RADIL: variants seen among roughly 807,000 people sequenced by gnomAD.
RADIL encodes the protein Rap associating with DIL domain, also known as ras-associating and dilute domain-containing protein.
Under a neutral mutation model 97.6 loss-of-function variants are expected in RADIL, and 99 were observed. The observed-to-expected ratio is 1.01, with a 90% CI of 0.86 to 1.20. The LOEUF is 1.20. Among genes scored for constraint, RADIL ranks in the 50% most tolerant of loss-of-function variants. The probability of loss-of-function intolerance (pLI) is 0.00; values close to 1 mark genes in which losing one functional copy is unlikely to be tolerated. For synonymous variants in RADIL, 803 were observed against 691.8 expected (o/e 1.16, Z -2.52); for missense variants, 1,765 against 1,498.9 (o/e 1.18, Z -2.93).
At chr7:4,808,332 G>T (rs1782413100) in intron 9 of RADIL, among the ~76,000 whole-genome samples, 1 of 151,434 alleles carries the variant, frequency 6.6e-6, no homozygotes, top group Admixed American at 6.6e-5. Flanking sequence ...GACCGCTCTT[G>T]TTCTCTCATG....
At chr7:4,869,200 A>G (rs993611125) in intron 2 of RADIL, among the ~76,000 whole-genome samples, 4 of 152,194 alleles carry the variant, frequency 2.6e-5, no homozygotes, top group South Asian at 2.1e-4. Context: ...TGGCATGATC[A>G]CAGCTCACTG....
intron 2 of RADIL, chr7:4,861,701 C>A: frequency 6.3e-7 from 1 of 1,575,610 alleles, no homozygotes; most frequent in South Asian, 1.2e-5. Context: ...GGTGAGGAGG[C>A]AGTCCGTCTC....
intron 2 of RADIL, chr7:4,861,772 C>T: frequency 6.7e-7 from 1 of 1,488,722 alleles, no homozygotes; most frequent in Non-Finnish European, 8.9e-7. Flanking sequence ...GCGGCGCCGG[C>T]TGCGGTGGTC....
At position 4,877,971 on chromosome 7, in the gene RADIL, T is replaced by C; in HGVS notation, c.169A>G (p.Thr57Ala). The C allele has an allele frequency of 6.2e-7, 1 of 1,611,630 alleles. No homozygotes were observed. The highest frequency in any genetic ancestry group is 8.5e-7 in the Non-Finnish European group (1 of 1,179,912). ...AGGACACCAGGGGCCGACAGCTGGG[T>C]GGAGAGCTCGGCGGGGTCATCGCTG... ...GASDDPAELS[T>A]QLSAPGVLKV... Residue 57 changes from threonine (T) to alanine (A), a missense_variant, in exon 2 of 15, where the codon ACC (threonine) becomes GCC (alanine). By Grantham distance (58) the Thr-to-Ala change is moderately conservative. Coordinates refer to ENST00000399583, the MANE Select transcript of RADIL (RefSeq NM_018059.5).
chr7:4,843,002 A>G (rs1159102166), intron 2 of RADIL, among the ~76,000 whole-genome samples: 1 of 145,654 alleles, frequency 6.9e-6, no homozygotes, highest in Non-Finnish European at 1.5e-5. Flanking sequence ...GGCAAGAGAC[A>G]ATTTTTTTTT....
chr7:4,862,667 G>A (rs1268538505), intron 2 of RADIL, among the ~76,000 whole-genome samples: 2 of 152,130 alleles, frequency 1.3e-5, no homozygotes, highest in South Asian at 2.1e-4. Context: ...ATGGGAGGCC[G>A]AGGCGGGCAG....
Position 4,877,918 on chromosome 7 carries a change from T to C in RADIL, c.222A>G (p.Thr74=), listed in dbSNP as rs1284674247. 1 of 1,607,074 alleles carries C rather than the reference T, an allele frequency of 6.2e-7. No homozygotes were observed. Among genetic ancestry groups the C allele is most frequent in the South Asian group, 1.1e-5 (1 of 91,082 alleles). The change falls in exon 2 of 15, where the codon ACA becomes ACG. Residue 74 remains threonine (T), a synonymous_variant. Transcript: ENST00000399583. ...CCAGGACGCTCTTGTAGTGGGTTCC[T>C]GTGCAGACACTGTCCCCAAACACCT... The part of the protein sequence containing the change: ...VLKVFGDSVC[T]GTHYKSVLAT...
chr7:4,855,481 C>T (rs1204412117), intron 2 of RADIL, among the ~76,000 whole-genome samples: 1 of 151,992 alleles, frequency 6.6e-6, no homozygotes, highest in Non-Finnish European at 1.5e-5. Flanking sequence ...GTGGGCCCGT[C>T]AACTGTGCTA....
intron 5 of RADIL, among the ~76,000 whole-genome samples, chr7:4,823,331 C>CTTTTT (rs60439750): frequency 7.7e-6 from 1 of 129,588 alleles, no homozygotes; most frequent in African/African-American, 3.0e-5. Flanking sequence ...TATTAAAAAC[C>CTTTTT]TTTTTTTTTT....
At chr7:4,843,360 C>G (rs1783494437) in intron 2 of RADIL, among the ~76,000 whole-genome samples, 1 of 152,050 alleles carries the variant, frequency 6.6e-6, no homozygotes, top group Non-Finnish European at 1.5e-5. Flanking sequence ...GGACGCGCTG[C>G]TCAATAAACT....
In RADIL at chr7:4,801,885, G is replaced by T. The variant is rs749494229; in HGVS notation, c.2610C>A (p.Pro870=). 6.3e-7 allele frequency: 1 copy of T among 1,589,514 alleles called. No individual in the cohort carries two copies. Among genetic ancestry groups the T allele is most frequent in the Non-Finnish European group, 8.6e-7 (1 of 1,168,482 alleles). ...CCTGTGCCCAGGGAGCCCCCCTCAA[G>T]GGAAGAGTACGCTCCGGGGCCACTT... The part of the protein sequence containing the change: ...AREVAPERTL[P]LRGAPWAQAP... Residue 870 remains proline, a synonymous_variant, in exon 12 of 15, where the codon CCC becomes CCA. Coordinates refer to ENST00000399583, the MANE Select transcript of RADIL (RefSeq NM_018059.5).
rs1032363313 is a variant in RADIL at position 4,854,131 on chromosome 7, C to A, written c.536-17526G>T. Among the ~76,000 whole-genome samples, 11 of 152,184 alleles carry A rather than the reference C, an allele frequency of 7.2e-5. No homozygotes were observed. Among genetic ancestry groups the A allele is most frequent in the African/African-American group, 7.2e-5 (3 of 41,444 alleles). On this transcript the variant is annotated intron_variant, in intron 2 of 14. Transcript: ENST00000399583. This position sits in a 1 kb window ranked among gnomAD's most constrained non-coding sequence, Gnocchi z 5.1. ...TGATGGCAGGGGCCCCATTAACCAT[C>A]CTGCACCTTGAGGTAACCCTGAAGA...
intron 2 of RADIL, among the ~76,000 whole-genome samples, chr7:4,865,194 T>G (rs905720867): frequency 6.6e-6 from 1 of 152,226 alleles, no homozygotes; most frequent in African/African-American, 2.4e-5. Context: ...AGAGTGAATT[T>G]CCCTCACCCC....
In RADIL at chr7:4,836,412, G is replaced by A. The variant is rs1419280248; in HGVS notation, c.729C>T (p.Tyr243=). ...PEEPGPDAMR[Y]SLYQSPHLLL... is the part of the protein sequence containing the mutation. ...GCAGATGCGGGGACTGGTACAGCGA[G>A]TACCGCATGGCGTCGGGGCCGGGCT... Residue 243 remains tyrosine (Y), a synonymous_variant, in exon 3 of 15, where the codon TAC becomes TAT. Coordinates refer to ENST00000399583, the MANE Select transcript of RADIL (RefSeq NM_018059.5). The A allele has an allele frequency of 6.3e-7, 1 of 1,582,596 alleles. No homozygotes were observed. Among genetic ancestry groups the A allele is most frequent in the Admixed American group, 1.8e-5 (1 of 54,606 alleles).
At chr7:4,810,558 G>A (rs1340860690) in intron 9 of RADIL, among the ~76,000 whole-genome samples, 3 of 152,204 alleles carry the variant, frequency 2.0e-5, no homozygotes, top group African/African-American at 7.2e-5. Flanking sequence ...TTGATAAATA[G>A]AATATGGGTT....
Position 4,799,778 on chromosome 7 carries a change from A to C in RADIL, c.2983-9T>G. 1 of 1,516,380 alleles carries C rather than the reference A, an allele frequency of 6.6e-7. No individual in the cohort carries two copies. Among genetic ancestry groups the C allele is most frequent in the Non-Finnish European group, 8.8e-7 (1 of 1,136,850 alleles). 93.9% of individuals were successfully genotyped at this position (1,516,380 alleles called of 1,614,324 possible). On this transcript the variant is annotated splice_polypyrimidine_tract_variant and intron_variant, in intron 13 of 14. Coordinates refer to ENST00000399583, the MANE Select transcript of RADIL (RefSeq NM_018059.5). ...GCGCCCAGGTGCGTGTGCTGGGGAC[A>C]AGCAGAGGCCTCAGAGCTCCGCAGG... is the stretch of plus-strand genomic sequence containing the variant.
In RADIL at chr7:4,883,194, C is replaced by G. The variant is rs949067743; in HGVS notation, c.-65+402G>C. Among the ~76,000 whole-genome samples the G allele has an allele frequency of 2.6e-5, 4 of 152,148 alleles. No individual in the cohort carries two copies. Among genetic ancestry groups the G allele is most frequent in the African/African-American group, 7.2e-5 (3 of 41,440 alleles). On this transcript the variant is annotated intron_variant, in intron 1 of 14. Transcript: ENST00000399583. This position sits in a 1 kb window ranked among gnomAD's most constrained non-coding sequence, Gnocchi z 7.1. ...CCGCTCCCCCGCTGCGCCCCGCTCCCCCGCTGCGCGCCCCGGACGAAGCTC... is the reference window on the plus strand; with the variant it reads ...CCGCTCCCCCGCTGCGCCCCGCTCCGCCGCTGCGCGCCCCGGACGAAGCTC...
intron 2 of RADIL, among the ~76,000 whole-genome samples, chr7:4,851,732 G>C (rs112458622): frequency 2.0e-5 from 3 of 152,208 alleles, no homozygotes; most frequent in African/African-American, 7.2e-5. Context: ...ACAGGAGAGA[G>C]AGAAATTAAA....
Position 4,817,087 on chromosome 7 carries a change from C to A in RADIL, c.1728+152G>T. 1 of 657,774 alleles carries A rather than the reference C, an allele frequency of 1.5e-6. No individual in the cohort carries two copies. Among genetic ancestry groups the A allele is most frequent in the Non-Finnish European group, 2.6e-6 (1 of 384,992 alleles). The allele number at this position is 657,774 out of a possible 1,614,324, so 40.7% of individuals were successfully genotyped here. ...GGGGTGCAGCTGGGCCTGTGCAGAA[C>A]CTGCAGCCACTGCTCCCTGATGAAG... On this transcript the variant is annotated intron_variant, in intron 7 of 14. Transcript: ENST00000399583. The surrounding 1 kb of genome is among the most constrained non-coding windows in gnomAD (Gnocchi z 8.3).
Sources: gnomAD v4.1 joint callset for allele counts (sites outside exome capture counted in the v4.1 genomes callset) on GRCh38, gnomAD v4.1.1 for gene constraint, Gnocchi (gnomAD v3.1) non-coding constraint, MANE v1.5 for transcripts, NCBI Gene and HGNC (gene_info 2026-07-23, HGNC 2026-07-21) for gene names.